The following F13A1 variants were observed in gnomAD, a reference collection of about 807,000 sequenced individuals.
The protein encoded by F13A1 is coagulation factor XIII A chain, also known as FSF, A subunit.
Under a neutral mutation model 80.1 loss-of-function variants are expected in F13A1, and 47 were observed. That is an observed-to-expected ratio of 0.59 (90% CI 0.46 to 0.75). The LOEUF (loss-of-function observed/expected upper bound fraction) is 0.75. F13A1 is among the 30% of genes least tolerant of loss of function. The pLI is 0.00. For missense variants in F13A1, 817 were observed against 930.4 expected, an observed-to-expected ratio of 0.88 and a Z score of 1.59; for synonymous variants, 349 against 344.9, an observed-to-expected ratio of 1.01 and a Z score of -0.13.
At chr6:6,267,287 A>T (rs1757858336) in intron 3 of F13A1, among the ~76,000 whole-genome samples, 1 of 152,222 alleles carries the variant, frequency 6.6e-6, no homozygotes, top group African/African-American at 2.4e-5. Flanking sequence ...AGGTTATACC[A>T]CTCAGAATGA....
chr6:6,240,046 C>G (rs955171818), intron 6 of F13A1, among the ~76,000 whole-genome samples: 1 of 152,230 alleles, frequency 6.6e-6, no homozygotes, highest in South Asian at 2.1e-4. Flanking sequence ...CAGCACCAAC[C>G]GCTCAGCTTG....
chr6:6,241,743 T>A lies in F13A1; in HGVS notation c.798+6569A>T, dbSNP rs139304835. Among the ~76,000 whole-genome samples, 1,029 of 152,348 alleles carry A rather than the reference T, an allele frequency of 6.8e-3. 9 individuals carry two copies. The highest frequency in any genetic ancestry group is 0.024 in the African/African-American group (995 of 41,582). On this transcript the variant is annotated intron_variant, in intron 6 of 14. Transcript: ENST00000264870. ...TTACGAAAGTACCTTGTGACTGGTC[T>A]GTATGATCAAGGAATAAACTTTAGA...
Position 6,224,687 on chromosome 6 carries a change from T to C in F13A1, c.972A>G (p.Thr324=), listed in dbSNP as rs372688880. 2 of 1,613,788 alleles carry C rather than the reference T, an allele frequency of 1.2e-6. No individual in the cohort carries two copies. Among genetic ancestry groups the C allele is most frequent in the Non-Finnish European group, 1.7e-6 (2 of 1,179,686 alleles). Residue 324 remains threonine (T), a splice_region_variant and synonymous_variant, in exon 7 of 15, where the codon ACA becomes ACG. Coordinates refer to ENST00000264870, the MANE Select transcript of F13A1 (RefSeq NM_000129.4). ...QCWVFAGVFN[T]FLRCLGIPAR... is the part of the protein sequence containing the mutation. ...GAAATTACTCAGTTGGATACTTACA[T>C]GTGTTAAAGACACCAGCAAAAACCC...
intron 3 of F13A1, among the ~76,000 whole-genome samples, chr6:6,274,551 AC>A (rs1445376718): frequency 5.3e-5 from 8 of 152,346 alleles, no homozygotes; most frequent in African/African-American, 1.9e-4. Flanking sequence ...GGAAGTAAGA[AC>A]ATAACATGAA....
At chr6:6,146,068 C>T (rs1760274204) in intron 14 of F13A1, among the ~76,000 whole-genome samples, 1 of 152,140 alleles carries the variant, frequency 6.6e-6, no homozygotes, top group Non-Finnish European at 1.5e-5. Flanking sequence ...AACCATTAAT[C>T]AACTGAACTC....
chr6:6,280,992 C>T (rs1758053003), intron 3 of F13A1, among the ~76,000 whole-genome samples: 1 of 152,132 alleles, frequency 6.6e-6, no homozygotes, highest in South Asian at 2.1e-4. Context: ...GGAGAATCCT[C>T]ACTTTGGGAC....
rs760672810 is a variant in F13A1 at position 6,145,725 on chromosome 6, G to A, written c.2093C>T (p.Pro698Leu). The part of the protein sequence containing the change: ...STVQWEEVCR[P>L]WVSGHRKLIA... ...CAGCTTCCGATGCCCAGAGACCCAG[G>A]GCCGGCACACTTCTTCCCACTGCAC... The change falls in exon 15 of 15, where the codon CCC becomes CTC. Residue 698 changes from proline to leucine, a missense_variant. Physicochemically the swap from Pro to Leu is moderately conservative, Grantham distance 98. Transcript: ENST00000264870. 1.9e-6 allele frequency: 3 copies of A among 1,614,090 alleles called. No homozygotes were observed. The East Asian group carries it at 6.7e-5, about 36-fold the overall frequency.
intron 11 of F13A1, among the ~76,000 whole-genome samples, chr6:6,177,009 A>C (rs1583056886): frequency 6.6e-6 from 1 of 152,304 alleles, no homozygotes; most frequent in South Asian, 2.1e-4. Flanking sequence ...AGGCCCAGAG[A>C]GGAGAAAACA....
chr6:6,264,921 T>C (rs1757823295), intron 4 of F13A1, among the ~76,000 whole-genome samples: 1 of 151,754 alleles, frequency 6.6e-6, no homozygotes, highest in South Asian at 2.1e-4. Context: ...GTATAGGGAG[T>C]GTAGGAATAG....
In F13A1 at chr6:6,305,486, T is replaced by C; in HGVS notation, c.184A>G (p.Lys62Glu). The C allele has an allele frequency of 6.2e-7, 1 of 1,614,234 alleles. No homozygotes were observed. The highest frequency in any genetic ancestry group is 1.1e-5 in the South Asian group (1 of 91,082). ...TACTTGTCAGTGTGGTGGTCCACCT[T>C]GTTAGTGTCCCATCTCTCCTTGAAC... ...HLFKERWDTNKVDHHTDKYEN... is the reference protein window; with the variant it reads ...HLFKERWDTNEVDHHTDKYEN... The change falls in exon 3 of 15, where the codon AAG becomes GAG. Residue 62 changes from lysine (K) to glutamate (E), a missense_variant. By Grantham distance (56) the Lys-to-Glu change is moderately conservative. Coordinates refer to ENST00000264870, the MANE Select transcript of F13A1 (RefSeq NM_000129.4).
chr6:6,202,645 T>C (rs1761419047), intron 8 of F13A1, among the ~76,000 whole-genome samples: 1 of 152,256 alleles, frequency 6.6e-6, no homozygotes, highest in African/African-American at 2.4e-5. Flanking sequence ...TGCCTCTTTC[T>C]ATAGAAGCAG....
rs1333125114 is a variant in F13A1 at position 6,182,009 on chromosome 6, C to T, written c.1438G>A (p.Asp480Asn). ...TTACCTTCTTGGAATTTGTAAGTATCAGTAATATCCATCATGCCATCTCCT... is the reference window on the plus strand; with the variant it reads ...TTACCTTCTTGGAATTTGTAAGTATTAGTAATATCCATCATGCCATCTCCT... ...IGGDGMMDIT[D>N]TYKFQEGQEE... is the part of the protein sequence containing the mutation. Residue 480 changes from aspartate to asparagine, a missense_variant, in exon 11 of 15, where the codon GAT (aspartate) becomes AAT (asparagine). By Grantham distance (23) the Asp-to-Asn change is conservative. Transcript: ENST00000264870. The T allele has an allele frequency of 6.2e-6, 10 of 1,614,080 alleles. No individual in the cohort carries two copies. The highest frequency in any genetic ancestry group is 8.5e-6 in the Non-Finnish European group (10 of 1,180,032).
At chr6:6,275,616 G>A (rs563655745) in intron 3 of F13A1, among the ~76,000 whole-genome samples, 108 of 152,246 alleles carry the variant, frequency 7.1e-4, no homozygotes, top group African/African-American at 2.3e-3. Context: ...AGATCCACCC[G>A]CCTTGGCCTC....
intron 10 of F13A1, among the ~76,000 whole-genome samples, chr6:6,187,244 AT>A (rs1761095263): frequency 8.7e-6 from 1 of 115,136 alleles, no homozygotes; most frequent in Non-Finnish European, 1.8e-5. Flanking sequence ...CCTGGCCAGA[AT>A]TTCCAACACT....
At chr6:6,167,724 C>T (rs1561641347) in intron 12 of F13A1, 106 bp from the exon 13 acceptor site, 1 of 1,270,840 alleles carries the variant, frequency 7.9e-7, no homozygotes, top group Non-Finnish European at 1.1e-6. Flanking sequence ...TGGAAGCCAC[C>T]AGGAACACAG....
chr6:6,313,984 C>CACTTTTTTTTTTTTT lies in F13A1; in HGVS notation c.130+4550_130+4551insAAAAAAAAAAAAAGT, dbSNP rs374113663. ...TCTCCTGTTCTCCATTTTCTCCTTA[C>CACTTTTTTTTTTTTT]TCTTTTTTTTTTTTGAAACGGAGTC... On this transcript the variant is annotated intron_variant, in intron 2 of 14. Coordinates refer to ENST00000264870, the MANE Select transcript of F13A1 (RefSeq NM_000129.4). 2.2e-5 allele frequency among the ~76,000 whole-genome samples: 3 copies of CACTTTTTTTTTTTTT among 139,310 alleles called. 1 individual carries two copies. Among genetic ancestry groups the CACTTTTTTTTTTTTT allele is most frequent in the African/African-American group, 5.5e-5 (2 of 36,326 alleles). The allele number at this position is 139,310 out of a possible 152,430, so 91.4% of individuals were successfully genotyped here. A position where few individuals can be genotyped will look rare whatever the true frequency, so the allele number is the denominator to read the frequency against.
At chr6:6,194,855 A>G (rs1454228563) in intron 10 of F13A1, among the ~76,000 whole-genome samples, 1 of 152,192 alleles carries the variant, frequency 6.6e-6, no homozygotes, top group Non-Finnish European at 1.5e-5. Context: ...CTGGCTTCAA[A>G]TCTTAGCACT....
chr6:6,174,484 T>C lies in F13A1; in HGVS notation c.1747+96A>G, dbSNP rs944094209. 7 of 1,398,192 alleles carry C rather than the reference T, an allele frequency of 5.0e-6. No homozygotes were observed. The African/African-American group carries it at 8.5e-5, about 17-fold the overall frequency. The allele number at this position is 1,398,192 out of a possible 1,614,324, so 86.6% of individuals were successfully genotyped here. A position where few individuals can be genotyped will look rare whatever the true frequency, so the allele number is the denominator to read the frequency against. Reference sequence around the variant, plus strand: ...ACACTTCTGAGATCTTGGAGGGAACTTTAACTTTGATATAAAGCTATAACG... The same window carrying C: ...ACACTTCTGAGATCTTGGAGGGAACCTTAACTTTGATATAAAGCTATAACG... On this transcript the variant is annotated intron_variant, in intron 12 of 14. Transcript: ENST00000264870.
At chr6:6,210,352 T>TATATATATATATATATATATATA (rs1761584855) in intron 8 of F13A1, among the ~76,000 whole-genome samples, 1 of 135,224 alleles carries the variant, frequency 7.4e-6, no homozygotes, top group Non-Finnish European at 1.6e-5. Context: ...TATATATTTC[T>TATATATATATATATATATATATA]TTTTTTTTTT....
Sources: gnomAD v4.1 joint callset for allele counts (sites outside exome capture counted in the v4.1 genomes callset) on GRCh38, gnomAD v4.1.1 for gene constraint, MANE v1.5 for transcripts, NCBI Gene and HGNC (gene_info 2026-07-23, HGNC 2026-07-21) for gene names.